The following EYS variants were observed in gnomAD, a reference collection of about 807,000 sequenced individuals.
The protein encoded by EYS is protein eyes shut homolog.
Under a neutral mutation model 282.1 loss-of-function variants are expected in EYS, and 250 were observed. That is an observed-to-expected ratio of 0.89 (90% CI 0.80 to 0.98). EYS has a LOEUF of 0.98. Among genes scored for constraint, EYS ranks in the 50% least tolerant of loss-of-function variants. EYS has a pLI of 0.00. For synonymous variants in EYS, 1,355 were observed against 1,282.9 expected (o/e 1.06, Z -1.20); for missense variants, 4,016 against 3,709.0 (o/e 1.08, Z -2.15).
chr6:65,521,702 GT>G (rs1767378378), intron 2 of EYS, among the ~76,000 whole-genome samples: 1 of 152,050 alleles, frequency 6.6e-6, no homozygotes, highest in African/African-American at 2.4e-5. Flanking sequence ...TATATTTAAA[GT>G]ATTCATTTCT....
At chr6:65,183,707 T>C (rs1233540344) in intron 12 of EYS, among the ~76,000 whole-genome samples, 6 of 152,040 alleles carry the variant, frequency 3.9e-5, no homozygotes, top group East Asian at 1.9e-4. Context: ...GTTAGTATTT[T>C]ATATTTTCTA....
At chr6:64,321,575 C>T (rs1478144394) in intron 29 of EYS, among the ~76,000 whole-genome samples, 2 of 151,772 alleles carry the variant, frequency 1.3e-5, no homozygotes, top group African/African-American at 4.8e-5. Flanking sequence ...GTAGGATATT[C>T]CATGCTATGA....
chr6:64,476,651 C>T (rs1776276523), intron 26 of EYS, among the ~76,000 whole-genome samples: 1 of 152,066 alleles, frequency 6.6e-6, no homozygotes, highest in Non-Finnish European at 1.5e-5. Context: ...AGTCATTTGG[C>T]TCTATATTCA....
chr6:64,452,866 G>T (rs1775410150), intron 26 of EYS, among the ~76,000 whole-genome samples: 1 of 152,090 alleles, frequency 6.6e-6, no homozygotes, highest in Admixed American at 6.6e-5. Flanking sequence ...ATTCAAGATG[G>T]ATTAAAGACT....
chr6:65,500,500 G>A (rs1351750999), intron 2 of EYS, among the ~76,000 whole-genome samples: 1 of 151,890 alleles, frequency 6.6e-6, no homozygotes, highest in South Asian at 2.1e-4. Context: ...GATTTGAGTG[G>A]TATGGTGGGA....
At chr6:64,159,559 TAAAAAAAA>T (rs35139594) in intron 31 of EYS, among the ~76,000 whole-genome samples, 11 of 59,940 alleles carry the variant, frequency 1.8e-4, no homozygotes, top group African/African-American at 3.7e-4. Context: ...GACTCTGTCT[TAAAAAAAA>T]AAAAAAAAAA....
intron 31 of EYS, among the ~76,000 whole-genome samples, chr6:64,168,137 T>G (rs1764353177): frequency 6.6e-6 from 1 of 152,264 alleles, no homozygotes; most frequent in South Asian, 2.1e-4. Context: ...TGCGGAGGCC[T>G]GTAGTCCCAG....
intron 35 of EYS, among the ~76,000 whole-genome samples, chr6:63,974,057 G>A (rs1454291556): frequency 6.6e-6 from 1 of 152,022 alleles, no homozygotes; most frequent in Non-Finnish European, 1.5e-5. Context: ...TGTTTTTTAA[G>A]AATATTGTAA....
chr6:65,371,285 G>C (rs1050345768), intron 8 of EYS, among the ~76,000 whole-genome samples: 2 of 151,620 alleles, frequency 1.3e-5, no homozygotes, highest in Non-Finnish European at 2.9e-5. Flanking sequence ...ATGTAGACTG[G>C]TTATATGAAA....
At chr6:64,919,712 A>G (rs1768278293) in intron 15 of EYS, among the ~76,000 whole-genome samples, 1 of 152,058 alleles carries the variant, frequency 6.6e-6, no homozygotes, top group Non-Finnish European at 1.5e-5. Flanking sequence ...TCTGTTTCCA[A>G]TATTCTATAT....
At chr6:64,598,240 C>A (rs143818190) in intron 24 of EYS, among the ~76,000 whole-genome samples, 3,064 of 152,302 alleles carry the variant, frequency 0.02, 90 homozygotes, top group African/African-American at 0.069. Context: ...GTGGGCGGAT[C>A]ACAAGGTCAG....
rs1343827419 is a variant in EYS, at chr6:64,979,450, G to C, written c.2259+18132C>G. The stretch of plus-strand genomic sequence containing the variant: ...CTGCCCACCTCCCGTGGGAAAAAAA[G>C]AGGAATCATAATGGCTTTCCTGATT... On this transcript the variant is annotated intron_variant, in intron 14 of 42. Transcript: ENST00000503581. Among the ~76,000 whole-genome samples, 17 of 151,690 alleles carry C rather than the reference G, an allele frequency of 1.1e-4. No homozygotes were observed. In the Admixed American group the frequency reaches 1.1e-3, roughly 10 times the overall value.
chr6:65,139,518 A>G lies in EYS; in HGVS notation c.2024-81791T>C, dbSNP rs74470922. 3.3e-3 allele frequency among the ~76,000 whole-genome samples: 497 copies of G among 152,174 alleles called. 2 individuals carry two copies. Among genetic ancestry groups the G allele is most frequent in the African/African-American group, 0.011 (477 of 41,542 alleles). ...TTACCTGGGTGAAAAAATAATCTGT[A>G]TACCAAACCTCCACAGCATGCAATT... On this transcript the variant is annotated intron_variant, in intron 12 of 42. Coordinates refer to ENST00000503581, the MANE Select transcript of EYS (RefSeq NM_001142800.2).
chr6:65,273,213 C>T (rs1445103305), intron 12 of EYS, among the ~76,000 whole-genome samples: 4 of 152,064 alleles, frequency 2.6e-5, no homozygotes, highest in African/African-American at 9.7e-5. Context: ...GGACAGTAGT[C>T]AACTACTTTG....
At chr6:65,585,506 A>C (rs1223693927) in intron 2 of EYS, among the ~76,000 whole-genome samples, 1 of 151,932 alleles carries the variant, frequency 6.6e-6, no homozygotes, top group Non-Finnish European at 1.5e-5. Context: ...AAATAAACTG[A>C]ATTATTATTC....
In EYS at chr6:65,684,316, A is replaced by G. The variant is rs114902360; in HGVS notation, c.-448+22819T>C. Among the ~76,000 whole-genome samples, 750 of 152,106 alleles carry G rather than the reference A, an allele frequency of 4.9e-3. 7 individuals are homozygous for G. Among genetic ancestry groups the G allele is most frequent in the African/African-American group, 0.017 (707 of 41,524 alleles). On this transcript the variant is annotated intron_variant, in intron 1 of 42. Coordinates refer to ENST00000503581, the MANE Select transcript of EYS (RefSeq NM_001142800.2). Reference sequence around the variant, plus strand: ...TCTACAAGAAAATAATAACATTTTAATGGATTATTTGAAGGGAATTAATAG... The same window carrying G: ...TCTACAAGAAAATAATAACATTTTAGTGGATTATTTGAAGGGAATTAATAG...
chr6:64,965,431 A>G (rs758364127), intron 14 of EYS, among the ~76,000 whole-genome samples: 1 of 151,936 alleles, frequency 6.6e-6, no homozygotes, highest in African/African-American at 2.4e-5. Flanking sequence ...TATTTTTTAC[A>G]TATAGGAAAG....
chr6:65,213,844 T>C (rs1310787290), intron 12 of EYS, among the ~76,000 whole-genome samples: 1 of 151,828 alleles, frequency 6.6e-6, no homozygotes, highest in African/African-American at 2.4e-5. Context: ...AAGCTAGAAA[T>C]AATTAAGCAT....
At chr6:64,009,945 T>G (rs1296116903) in intron 33 of EYS, among the ~76,000 whole-genome samples, 2 of 152,008 alleles carry the variant, frequency 1.3e-5, no homozygotes. Context: ...TTGATTTCCT[T>G]GGGGGTTTGA....
Sources: gnomAD v4.1 joint callset for allele counts (sites outside exome capture counted in the v4.1 genomes callset) on GRCh38, gnomAD v4.1.1 for gene constraint, MANE v1.5 for transcripts, NCBI Gene and HGNC (gene_info 2026-07-23, HGNC 2026-07-21) for gene names.